The following PCDH15 variants were observed in gnomAD, a reference collection of about 807,000 sequenced individuals.
PCDH15 encodes the protein protocadherin-15.
Under a neutral mutation model 178.5 loss-of-function variants are expected in PCDH15, and 129 were observed. The ratio of observed to expected loss-of-function variants is 0.72; its 90% CI spans 0.63 to 0.84. The LOEUF (loss-of-function observed/expected upper bound fraction) is 0.84. Ranked by LOEUF, PCDH15 falls within the 40% of genes least tolerant of loss-of-function variation. The pLI is 0.00. For missense variants in PCDH15, 2,230 were observed against 2,099.9 expected, an observed-to-expected ratio of 1.06 and a Z score of -1.21; for synonymous variants, 800 against 732.0, an observed-to-expected ratio of 1.09 and a Z score of -1.50.
rs111580286 is a variant in PCDH15, at chr10:54,336,674, C to A, written c.595-6968G>T. Among the ~76,000 whole-genome samples, 6 of 152,214 alleles carry A rather than the reference C, an allele frequency of 3.9e-5. No individual in the cohort carries two copies. In the East Asian group the frequency reaches 5.8e-4, roughly 15 times the overall value. ...GTATGGAAATGCCTGGATGTCCAGACAAAAGTTTGCTGAAGGGGCAGGGCC... is the reference window on the plus strand; with the variant it reads ...GTATGGAAATGCCTGGATGTCCAGAAAAAAGTTTGCTGAAGGGGCAGGGCC... On this transcript the variant is annotated intron_variant, in intron 6 of 37. Coordinates refer to ENST00000644397, the MANE Select transcript of PCDH15 (RefSeq NM_001384140.1).
chr10:54,373,915 G>A (rs973747243), intron 4 of PCDH15, among the ~76,000 whole-genome samples: 1 of 151,890 alleles, frequency 6.6e-6, no homozygotes, highest in South Asian at 2.1e-4. Context: ...GGGAAGGTAT[G>A]GTAAGAAAAA....
At chr10:54,309,936 G>C (rs188448807) in intron 8 of PCDH15, among the ~76,000 whole-genome samples, 1 of 152,086 alleles carries the variant, frequency 6.6e-6, no homozygotes, top group African/African-American at 2.4e-5. Flanking sequence ...GTAATGAAGA[G>C]TTTAATATTT....
intron 5 of PCDH15, among the ~76,000 whole-genome samples, chr10:54,363,254 A>C (rs1173433832): frequency 6.6e-6 from 1 of 152,192 alleles, no homozygotes; most frequent in African/African-American, 2.4e-5. Flanking sequence ...GATAAGTGGT[A>C]TAAAGATAAC....
intron 2 of PCDH15, among the ~76,000 whole-genome samples, chr10:55,358,089 A>G (rs1565052693): frequency 6.6e-6 from 1 of 152,072 alleles, no homozygotes; most frequent in Admixed American, 6.6e-5. Flanking sequence ...CAAATCCAGT[A>G]CTGGGTTTAT....
intron 25 of PCDH15, among the ~76,000 whole-genome samples, chr10:53,923,368 T>C (rs1302322267): frequency 2.0e-5 from 3 of 152,252 alleles, no homozygotes; most frequent in African/African-American, 7.2e-5. Context: ...ATGAATTAGA[T>C]TGGGAAGAAC....
At chr10:54,542,143 G>T (rs898460484) in intron 2 of PCDH15, among the ~76,000 whole-genome samples, 1 of 152,188 alleles carries the variant, frequency 6.6e-6, no homozygotes, top group Non-Finnish European at 1.5e-5. Context: ...ACAAGGTACG[G>T]GATGTTGAAG....
At chr10:54,050,044 C>T (rs1478862631) in intron 18 of PCDH15, among the ~76,000 whole-genome samples, 2 of 152,056 alleles carry the variant, frequency 1.3e-5, no homozygotes, top group Non-Finnish European at 2.9e-5. Context: ...TGTGCATTTA[C>T]CAGATTTTAG....
chr10:53,903,150 A>G (rs1385234147), intron 26 of PCDH15, 93 bp downstream of exon 26: 5 of 1,408,748 alleles, frequency 3.5e-6, no homozygotes, highest in Non-Finnish European at 9.9e-7. Context: ...TATACAGCAT[A>G]AGTATGCAGT....
chr10:55,178,298 C>T (rs907313451), intron 1 of PCDH15, among the ~76,000 whole-genome samples: 4 of 152,162 alleles, frequency 2.6e-5, no homozygotes, highest in African/African-American at 9.6e-5. Flanking sequence ...ATCTGATCCA[C>T]TTGAGGCCTC....
intron 15 of PCDH15, among the ~76,000 whole-genome samples, chr10:54,103,985 G>A (rs1307424318): frequency 3.3e-5 from 5 of 152,076 alleles, no homozygotes; most frequent in Non-Finnish European, 7.4e-5. Context: ...TTCCTCATGG[G>A]TCACACTCTG....
intron 1 of PCDH15, among the ~76,000 whole-genome samples, chr10:54,747,930 A>C (rs984100812): frequency 4.0e-5 from 6 of 150,664 alleles, no homozygotes; most frequent in African/African-American, 1.2e-4. Flanking sequence ...CTCAGCCTCC[A>C]GAGTAGCTGG....
chr10:54,252,411 A>C (rs2056557388), intron 8 of PCDH15, among the ~76,000 whole-genome samples: 1 of 152,226 alleles, frequency 6.6e-6, no homozygotes, highest in South Asian at 2.1e-4. Flanking sequence ...CTATGTTTTC[A>C]AAGATTGATA....
At chr10:54,121,783 T>C (rs11498092) in intron 15 of PCDH15, among the ~76,000 whole-genome samples, 4,458 of 151,972 alleles carry the variant, frequency 0.029, 239 homozygotes, top group African/African-American at 0.1. Context: ...GAAACCAATA[T>C]TGAGTTCAAA....
chr10:55,075,557 G>C (rs1273216809), intron 2 of PCDH15, among the ~76,000 whole-genome samples: 2 of 151,752 alleles, frequency 1.3e-5, no homozygotes, highest in East Asian at 1.9e-4. Flanking sequence ...TAGAGACGGG[G>C]TTTCACCATG....
At chr10:54,600,649 A>G (rs2092478795) in intron 2 of PCDH15, 1 of 573,624 alleles carries the variant, frequency 1.7e-6, no homozygotes, top group South Asian at 1.4e-5. Flanking sequence ...GTCACTTCAC[A>G]TGCCGTAATA....
intron 10 of PCDH15, among the ~76,000 whole-genome samples, chr10:54,203,786 T>C (rs1019831230): frequency 6.6e-6 from 1 of 152,166 alleles, no homozygotes; most frequent in African/African-American, 2.4e-5. Flanking sequence ...GGCTGCATAT[T>C]GATCTTTATA....
At chr10:54,762,821 A>C (rs1591507015) in intron 1 of PCDH15, among the ~76,000 whole-genome samples, 1 of 152,196 alleles carries the variant, frequency 6.6e-6, no homozygotes, top group African/African-American at 2.4e-5. Flanking sequence ...AATATTTCAT[A>C]ATTGCATTCA....
chr10:54,896,538 A>G (rs954903699), intron 3 of PCDH15, among the ~76,000 whole-genome samples: 3 of 151,956 alleles, frequency 2.0e-5, no homozygotes, highest in African/African-American at 7.2e-5. Context: ...GCTTAGCTCC[A>G]TGAACTAGAT....
intron 23 of PCDH15, among the ~76,000 whole-genome samples, chr10:53,952,317 G>C (rs555916481): frequency 6.6e-6 from 1 of 152,280 alleles, no homozygotes; most frequent in Admixed American, 6.5e-5. Context: ...GCTTCATTGA[G>C]CAACAGTACA....
Sources: allele counts gnomAD v4.1 joint callset (sites outside exome capture counted in the v4.1 genomes callset), GRCh38; gene constraint gnomAD v4.1.1; transcripts MANE v1.5; gene names NCBI Gene and HGNC (gene_info 2026-07-23, HGNC 2026-07-21).